STT3B: variants seen among roughly 807,000 people sequenced by gnomAD.
STT3B encodes STT3 oligosaccharyltransferase complex catalytic subunit B.
In STT3B, 29 loss-of-function variants were observed where a neutral mutation model predicts 96.8. That is an observed-to-expected ratio of 0.30 (90% CI 0.22 to 0.41). The LOEUF is 0.41. STT3B is among the 10% of genes least tolerant of loss of function. STT3B has a pLI of 1.00. For synonymous variants in STT3B, 367 were observed against 360.0 expected, an observed-to-expected ratio of 1.02 and a Z score of -0.22; for missense variants, 640 against 1,022.3, an observed-to-expected ratio of 0.63 and a Z score of 5.10.
chr3:31,545,013 C>G (rs879861277), intron 1 of STT3B, among the ~76,000 whole-genome samples: 4 of 152,108 alleles, frequency 2.6e-5, no homozygotes, highest in Admixed American at 6.6e-5. Context: ...AGTTTAATTG[C>G]AATCCCAAGA....
chr3:31,557,809 T>C (rs1359801510), intron 1 of STT3B, among the ~76,000 whole-genome samples: 2 of 152,092 alleles, frequency 1.3e-5, no homozygotes, highest in Non-Finnish European at 2.9e-5. Context: ...ATTTTTCACA[T>C]TTTTAGTAGA....
Position 31,532,980 on chromosome 3 carries a change from C to G in STT3B, c.-19C>G. The G allele has an allele frequency of 6.3e-7, 1 of 1,580,316 alleles. No homozygotes were observed. Among genetic ancestry groups the G allele is most frequent in the Non-Finnish European group, 8.6e-7 (1 of 1,165,360 alleles). On this transcript the variant is annotated 5_prime_UTR_variant, in exon 1 of 16. Coordinates refer to ENST00000295770, the MANE Select transcript of STT3B (RefSeq NM_178862.3). ...GCGGCGGCGGAGGAGGAGAGCTAGA[C>G]CCGCCGCCGGGGCACAACATGGCGG...
rs530689855 is a variant in STT3B, at chr3:31,612,215, G to A, written c.878-2890G>A. ...TCTAGTCCCAAGCATTTTAGATAAG[G>A]GATATTCAAATTGTGTCTATCCGTG... On this transcript the variant is annotated intron_variant, in intron 5 of 15. Transcript: ENST00000295770. Among the ~76,000 whole-genome samples, 2 of 152,070 alleles carry A rather than the reference G, an allele frequency of 1.3e-5. 1 individual carries two copies. Among genetic ancestry groups the A allele is most frequent in the South Asian group, 4.1e-4 (2 of 4,826 alleles).
At chr3:31,586,672 T>C (rs956980789) in intron 3 of STT3B, among the ~76,000 whole-genome samples, 1 of 152,154 alleles carries the variant, frequency 6.6e-6, no homozygotes. Flanking sequence ...TTGGTAACCT[T>C]GTCAAAATCA....
chr3:31,544,195 T>C (rs1047890614), intron 1 of STT3B, among the ~76,000 whole-genome samples: 3 of 152,212 alleles, frequency 2.0e-5, no homozygotes, highest in Admixed American at 1.3e-4. Flanking sequence ...TGATTATAGT[T>C]AATTAATATG....
chr3:31,598,174 A>G (rs1348389243), intron 4 of STT3B, among the ~76,000 whole-genome samples: 2 of 152,012 alleles, frequency 1.3e-5, no homozygotes, highest in East Asian at 1.9e-4. Context: ...CAAGTAAAAT[A>G]TTTTCCAAGT....
At chr3:31,540,316 C>A (rs766804465) in intron 1 of STT3B, among the ~76,000 whole-genome samples, 5 of 151,796 alleles carry the variant, frequency 3.3e-5, no homozygotes, top group Non-Finnish European at 5.9e-5. Flanking sequence ...AAACTTTATT[C>A]TTTTTTACCT....
Position 31,624,826 on chromosome 3 carries a change from T to TATTC in STT3B, c.1728-86_1728-83dup. ...AACTACCATCCTTAAAATCTGAAAG[T>TATTC]ATTCAGTGGTTTAATACCTCAAGAT... On this transcript the variant is annotated intron_variant, in intron 11 of 15. Transcript: ENST00000295770. 4.0e-6 allele frequency: 4 copies of TATTC among 987,792 alleles called. No individual in the cohort carries two copies. The South Asian group carries it at 6.9e-5, about 17-fold the overall frequency. The allele number at this position is 987,792 out of a possible 1,614,324, so 61.2% of individuals were successfully genotyped here. A position where few individuals can be genotyped will look rare whatever the true frequency, so the allele number is the denominator to read the frequency against.
chr3:31,533,892 C>T (rs569850719), intron 1 of STT3B, among the ~76,000 whole-genome samples: 88 of 152,260 alleles, frequency 5.8e-4, no homozygotes, highest in African/African-American at 1.8e-3. Flanking sequence ...TCTTTTTATG[C>T]TCTCATGATA....
chr3:31,579,278 C>G (rs1210999761), intron 2 of STT3B, among the ~76,000 whole-genome samples: 1 of 151,832 alleles, frequency 6.6e-6, no homozygotes, highest in Admixed American at 6.6e-5. Context: ...AGACTGTTCC[C>G]TCTTTTCCTT....
rs1224681815 is a variant in STT3B at position 31,579,790 on chromosome 3, TC to T, written c.424-17del. 1 of 1,577,920 alleles carries T rather than the reference TC, an allele frequency of 6.3e-7. No individual in the cohort carries two copies. Among genetic ancestry groups the T allele is most frequent in the Admixed American group, 1.8e-5 (1 of 54,706 alleles). On this transcript the variant is annotated intron_variant, in intron 2 of 15. Transcript: ENST00000295770. ...TCTCATTTTATATGTAATTAAATTT[TC>T]CATTTTTTTCTTCCTAGGTTTACCC...
chr3:31,567,947 T>G (rs555593107), intron 1 of STT3B, among the ~76,000 whole-genome samples: 2 of 152,252 alleles, frequency 1.3e-5, no homozygotes, highest in East Asian at 1.9e-4. Flanking sequence ...TACTAGATCT[T>G]ATTCATCCTA....
intron 9 of STT3B, among the ~76,000 whole-genome samples, chr3:31,621,661 C>G (rs914478870): frequency 2.0e-5 from 3 of 152,046 alleles, no homozygotes; most frequent in Non-Finnish European, 4.4e-5. Flanking sequence ...TAATAACTTA[C>G]GTTCTTCTCA....
At position 31,599,535 on chromosome 3, in the gene STT3B, C is replaced by T. The variant is rs190044858; in HGVS notation, c.778-825C>T. ...CCACAAGGGGTTCTGAAATATTTTA[C>T]GTAAGAGAAGCATTATTGGAATAGA... On this transcript the variant is annotated intron_variant, in intron 4 of 15. Transcript: ENST00000295770. Among the ~76,000 whole-genome samples the T allele has an allele frequency of 5.3e-5, 8 of 152,226 alleles. No individual in the cohort carries two copies. The East Asian group carries it at 7.7e-4, about 15-fold the overall frequency.
rs566709601 is a variant in STT3B at position 31,572,400 on chromosome 3, C to T, written c.315-3996C>T. On this transcript the variant is annotated intron_variant, in intron 1 of 15. Coordinates refer to ENST00000295770, the MANE Select transcript of STT3B (RefSeq NM_178862.3). ...TTATCTCTATGAGTCAAAATTTTTG[C>T]AATTTTGTGAACCAAAACAAAATAC... 9.2e-5 allele frequency among the ~76,000 whole-genome samples: 14 copies of T among 151,536 alleles called. No individual in the cohort carries two copies. In the East Asian group the frequency reaches 2.5e-3, roughly 27 times the overall value.
chr3:31,543,105 GC>G (rs1697321270), intron 1 of STT3B, among the ~76,000 whole-genome samples: 2 of 149,494 alleles, frequency 1.3e-5, no homozygotes, highest in Non-Finnish European at 3.0e-5. Context: ...TAAATTCCAG[GC>G]CTACTTCTCT....
intron 5 of STT3B, among the ~76,000 whole-genome samples, chr3:31,609,587 T>G (rs1699137540): frequency 1.3e-5 from 2 of 152,098 alleles, no homozygotes; most frequent in Non-Finnish European, 2.9e-5. Flanking sequence ...GTTTTTTTGT[T>G]TTTTTGTTTT....
intron 4 of STT3B, among the ~76,000 whole-genome samples, chr3:31,599,075 C>T (rs1698863943): frequency 6.6e-6 from 1 of 152,144 alleles, no homozygotes; most frequent in Non-Finnish European, 1.5e-5. Context: ...TCCCAAAGTG[C>T]TGGGATTACA....
intron 5 of STT3B, among the ~76,000 whole-genome samples, chr3:31,611,447 G>A (rs1271882324): frequency 6.6e-6 from 1 of 152,174 alleles, no homozygotes; most frequent in African/African-American, 2.4e-5. Flanking sequence ...ATTAGATGCT[G>A]TAGTACAAAG....
Sources: gnomAD v4.1 joint callset for allele counts (sites outside exome capture counted in the v4.1 genomes callset) on GRCh38, gnomAD v4.1.1 for gene constraint, MANE v1.5 for transcripts, NCBI Gene and HGNC (gene_info 2026-07-23, HGNC 2026-07-21) for gene names.